Variants in NPM3 observed in about 807,000 individuals in gnomAD.
NPM3 encodes nucleophosmin/nucleoplasmin 3.
A neutral mutation model predicts 18.1 loss-of-function variants in NPM3; 12 were observed. The observed-to-expected ratio is 0.66, with a 90% CI of 0.42 to 1.07. The LOEUF is 1.07. Among genes scored for constraint, NPM3 ranks in the 50% least tolerant of loss-of-function variants. The pLI is 0.00. For synonymous variants in NPM3, 116 were observed against 93.7 expected (o/e 1.24, Z -1.38); for missense variants, 274 against 232.1 (o/e 1.18, Z -1.17).
chr10:101,783,262 T>C lies in NPM3; in HGVS notation c.118+11A>G. On this transcript the variant is annotated intron_variant, in intron 1 of 5. Transcript: ENST00000370110. ...CCCAGTACCACCCTCAGCCTCTCCC[T>C]TCACTAATACCGAAGAAAAAACTGT... The C allele has an allele frequency of 6.3e-7, 1 of 1,579,536 alleles. No individual in the cohort carries two copies. The highest frequency in any genetic ancestry group is 2.3e-5 in the East Asian group (1 of 44,378).
chr10:101,782,983 T>C lies in NPM3; in HGVS notation c.119-59A>G, dbSNP rs2065154733. 3 of 1,511,904 alleles carry C rather than the reference T, an allele frequency of 2.0e-6. No homozygotes were observed. The Admixed American group carries it at 5.3e-5, about 26-fold the overall frequency. 93.7% of individuals were successfully genotyped at this position (1,511,904 alleles called of 1,614,324 possible). A position where few individuals can be genotyped will look rare whatever the true frequency, so the allele number is the denominator to read the frequency against. Reference sequence around the variant, plus strand: ...GTGTACGGGGCTGGGCAGCGGGGGATGTCACCAACCCGCCGTCACGTGTAA... The same window carrying C: ...GTGTACGGGGCTGGGCAGCGGGGGACGTCACCAACCCGCCGTCACGTGTAA... On this transcript the variant is annotated intron_variant, in intron 1 of 5. Transcript: ENST00000370110.
chr10:101,782,852 A>G, exon 2 of NPM3: 1 of 1,614,162 alleles, frequency 6.2e-7, no homozygotes, highest in Non-Finnish European at 8.5e-7. Context: ...GGTTAGTGCC[A>G]GCACGTGCTC....
chr10:101,782,374 G>A, intron 3 of NPM3, 23 bp from the exon 4 acceptor site: 1 of 1,611,920 alleles, frequency 6.2e-7, no homozygotes, highest in Non-Finnish European at 8.5e-7. Context: ...CAAGGATGAA[G>A]GCCTGGCCCA....
At chr10:101,782,761 G>A (rs912563378) in intron 2 of NPM3, 78 bp downstream of exon 2, 52 of 1,577,484 alleles carry the variant, frequency 3.3e-5, no homozygotes, top group Admixed American at 8.8e-5. Context: ...TCCAAGTAAA[G>A]GGGATCCGGA....
intron 4 of NPM3, 119 bp from the exon 5 acceptor site, chr10:101,781,973 T>C: frequency 6.5e-7 from 1 of 1,533,226 alleles, no homozygotes. Flanking sequence ...CCAGTGCTTA[T>C]GGGCTAGGTG....
chr10:101,782,000 C>G, intron 4 of NPM3, 146 bp from the exon 5 acceptor site: 1 of 1,399,564 alleles, frequency 7.1e-7, no homozygotes, highest in Non-Finnish European at 9.9e-7. Flanking sequence ...ACCTCAGACC[C>G]TAAACTGGGT....
At chr10:101,782,731 G>A (rs2135013002) in intron 2 of NPM3, 108 bp downstream of exon 2, 2 of 1,571,942 alleles carry the variant, frequency 1.3e-6, no homozygotes, top group Non-Finnish European at 8.7e-7. Flanking sequence ...CATGCCGGGG[G>A]GTTAGGCTGA....
exon 6 of NPM3, chr10:101,781,578 G>T: frequency 2.5e-5 from 8 of 321,608 alleles, no homozygotes; most frequent in South Asian, 7.5e-5. Context: ...ATTTACAATT[G>T]TTGAAACTTG....
chr10:101,782,454 C>T, intron 3 of NPM3, 24 bp downstream of exon 3: 4 of 1,605,458 alleles, frequency 2.5e-6, no homozygotes, highest in Non-Finnish European at 2.6e-6. Flanking sequence ...ACCACCACCA[C>T]CAAGGCAGAG....
intron 4 of NPM3, 93 bp from the exon 5 acceptor site, chr10:101,781,947 CA>C: frequency 6.2e-7 from 1 of 1,607,446 alleles, no homozygotes; most frequent in Non-Finnish European, 8.5e-7. Context: ...GTTAGGCTTA[CA>C]GGGACCATGA....
At chr10:101,781,574 A>C in exon 6 of NPM3, 1 of 567,522 alleles carries the variant, frequency 1.8e-6, no homozygotes, top group Non-Finnish European at 3.0e-6. Flanking sequence ...AAATATTTAC[A>C]ATTGTTGAAA....
exon 2 of NPM3, chr10:101,782,864 G>A (rs748349202): frequency 2.5e-6 from 4 of 1,614,166 alleles, no homozygotes; most frequent in Admixed American, 1.7e-5. Flanking sequence ...CACGTGCTCC[G>A]CATCATCCTC....
exon 6 of NPM3, chr10:101,781,376 C>T (rs2065138907): frequency 3.9e-6 from 1 of 253,922 alleles, no homozygotes; most frequent in African/African-American, 2.3e-5. Flanking sequence ...AATGTAAAAA[C>T]TATTAAAAAT....
Position 101,782,253 on chromosome 10 carries a change from C to T in NPM3, c.418+5G>A. The stretch of plus-strand genomic sequence containing the variant: ...GCAAAGGAGAGGGCCCTCCCCTCTT[C>T]TCACCAATCTGGTGCCGCCCAGTGA... On this transcript the variant is annotated splice_donor_5th_base_variant and intron_variant, in intron 4 of 5. Transcript: ENST00000370110. 1 of 1,612,518 alleles carries T rather than the reference C, an allele frequency of 6.2e-7. No individual in the cohort carries two copies. The highest frequency in any genetic ancestry group is 8.5e-7 in the Non-Finnish European group (1 of 1,179,148).
At chr10:101,781,955 A>G in intron 4 of NPM3, 101 bp from the exon 5 acceptor site, 4 of 1,594,936 alleles carry the variant, frequency 2.5e-6, no homozygotes, top group Non-Finnish European at 3.4e-6. Flanking sequence ...TACAGGGACC[A>G]TGACCTCCCA....
exon 4 of NPM3, chr10:101,782,345 G>T: frequency 6.2e-7 from 1 of 1,613,840 alleles, no homozygotes; most frequent in Non-Finnish European, 8.5e-7. Flanking sequence ...AAGTCATCCA[G>T]ACTGAGCTGG....
chr10:101,783,433 A>G (rs1473499341), upstream of NPM3: 3 of 1,447,682 alleles, frequency 2.1e-6, no homozygotes, highest in Admixed American at 4.0e-5. Flanking sequence ...ACACGCACAA[A>G]GCCGGGGACC....
chr10:101,782,795 C>T, intron 2 of NPM3, 44 bp downstream of exon 2: 1 of 1,604,966 alleles, frequency 6.2e-7, no homozygotes, highest in Non-Finnish European at 8.5e-7. Flanking sequence ...CCTATATTGC[C>T]TGCCTGGGCT....
At chr10:101,782,743 G>A (rs774216111) in intron 2 of NPM3, 96 bp downstream of exon 2, 101 of 1,569,520 alleles carry the variant, frequency 6.4e-5, no homozygotes, top group Non-Finnish European at 8.3e-5. Flanking sequence ...TTAGGCTGAG[G>A]ATGTGTCTCC....
Sources: gnomAD v4.1 joint callset for allele counts on GRCh38, gnomAD v4.1.1 for gene constraint, MANE v1.5 for transcripts, NCBI Gene and HGNC (gene_info 2026-07-23, HGNC 2026-07-21) for gene names.